TRPM3: variants seen among roughly 807,000 people sequenced by gnomAD.
TRPM3 encodes long transient receptor potential channel 3.
TRPM3 carries 77 observed loss-of-function variants against 181.2 expected under a neutral mutation model. The ratio of observed to expected loss-of-function variants is 0.42; its 90% CI spans 0.35 to 0.51. The LOEUF is 0.51. Ranked by LOEUF, TRPM3 falls within the 20% of genes least tolerant of loss-of-function variation. The probability of loss-of-function intolerance (pLI) is 0.01; values close to 1 mark genes in which losing one functional copy is unlikely to be tolerated. For synonymous variants in TRPM3, 745 were observed against 796.4 expected, an observed-to-expected ratio of 0.94 and a Z score of 1.09; for missense variants, 1,759 against 2,196.7, an observed-to-expected ratio of 0.80 and a Z score of 3.98.
At chr9:71,159,453 AT>A (rs1428530276) in intron 1 of TRPM3, among the ~76,000 whole-genome samples, 3 of 152,166 alleles carry the variant, frequency 2.0e-5, no homozygotes, top group African/African-American at 7.2e-5. Flanking sequence ...ATGTCAATAT[AT>A]TGAATCAAAT....
chr9:70,788,714 C>T (rs540389214), intron 6 of TRPM3, among the ~76,000 whole-genome samples: 10 of 152,090 alleles, frequency 6.6e-5, no homozygotes, highest in African/African-American at 1.2e-4. Context: ...GAGCCCTGAG[C>T]TTGCTTTCTC....
intron 1 of TRPM3, among the ~76,000 whole-genome samples, chr9:70,999,649 T>G (rs2097578167): frequency 6.6e-6 from 1 of 152,214 alleles, no homozygotes; most frequent in South Asian, 2.1e-4. Flanking sequence ...GCCATTATTT[T>G]TGGCAAGATG....
chr9:70,998,140 T>C (rs199758897), intron 1 of TRPM3, among the ~76,000 whole-genome samples: 3 of 58,278 alleles, frequency 5.1e-5, no homozygotes, highest in African/African-American at 9.2e-5. Context: ...TACATATATA[T>C]ACACATATAT....
chr9:70,802,091 T>C (rs2131241081), intron 6 of TRPM3, among the ~76,000 whole-genome samples: 1 of 152,300 alleles, frequency 6.6e-6, no homozygotes, highest in South Asian at 2.1e-4. Context: ...CTATTGTTGC[T>C]GGTCCCAGGA....
chr9:70,925,726 T>C (rs2096714664), intron 1 of TRPM3, among the ~76,000 whole-genome samples: 1 of 152,064 alleles, frequency 6.6e-6, no homozygotes, highest in African/African-American at 2.4e-5. Flanking sequence ...AATAATTTGA[T>C]ATTAATATAG....
At chr9:71,404,748 A>G (rs946595585) in intron 1 of TRPM3, among the ~76,000 whole-genome samples, 1 of 152,168 alleles carries the variant, frequency 6.6e-6, no homozygotes, top group Non-Finnish European at 1.5e-5. Flanking sequence ...CATGCAAAAC[A>G]AAAGACCCAT....
intron 1 of TRPM3, among the ~76,000 whole-genome samples, chr9:71,334,864 T>C (rs1264831839): frequency 6.6e-6 from 1 of 152,188 alleles, no homozygotes; most frequent in Non-Finnish European, 1.5e-5. Context: ...TACTGCATTA[T>C]TTTCTTCTCT....
At chr9:70,889,961 T>C (rs1270044946) in intron 1 of TRPM3, among the ~76,000 whole-genome samples, 1 of 148,296 alleles carries the variant, frequency 6.7e-6, no homozygotes, top group Non-Finnish European at 1.5e-5. Context: ...TATAACATAC[T>C]ATAAAATATA....
intron 1 of TRPM3, among the ~76,000 whole-genome samples, chr9:71,270,033 G>A (rs757658149): frequency 6.6e-6 from 1 of 152,112 alleles, no homozygotes; most frequent in African/African-American, 2.4e-5. Context: ...GTCATATCCG[G>A]TTCTTTTCTC....
At chr9:71,192,921 G>A (rs2078121550) in intron 1 of TRPM3, among the ~76,000 whole-genome samples, 1 of 151,774 alleles carries the variant, frequency 6.6e-6, no homozygotes, top group African/African-American at 2.4e-5. Flanking sequence ...ATTTCACAGT[G>A]TATAAATAGG....
At chr9:71,135,092 T>C (rs1457754606) in intron 1 of TRPM3, among the ~76,000 whole-genome samples, 1 of 152,228 alleles carries the variant, frequency 6.6e-6, no homozygotes, top group African/African-American at 2.4e-5. Flanking sequence ...GCTCAAATTA[T>C]GTTAGTGACT....
At chr9:71,253,021 T>C (rs1412532296) in intron 1 of TRPM3, among the ~76,000 whole-genome samples, 1 of 152,034 alleles carries the variant, frequency 6.6e-6, no homozygotes, top group Non-Finnish European at 1.5e-5. Context: ...GGCTGAGTTT[T>C]TCTGTCCAAA....
intron 6 of TRPM3, among the ~76,000 whole-genome samples, chr9:70,798,213 C>T (rs1460054653): frequency 6.6e-6 from 1 of 152,112 alleles, no homozygotes; most frequent in Non-Finnish European, 1.5e-5. Flanking sequence ...CACCACCACA[C>T]CCGGCTAATT....
At chr9:71,261,630 C>G (rs2083060372) in intron 1 of TRPM3, among the ~76,000 whole-genome samples, 1 of 152,190 alleles carries the variant, frequency 6.6e-6, no homozygotes, top group African/African-American at 2.4e-5. Flanking sequence ...TTTTCCTAAT[C>G]TTCATGGATT....
In TRPM3 at chr9:70,837,133, G is replaced by A. The variant is rs74969857; in HGVS notation, c.801+5870C>T. ...CAGATACATCTTATCTAATCTAATC[G>A]TAAAAATCCAATCAACTCCATGCCA... On this transcript the variant is annotated intron_variant, in intron 5 of 25. Transcript: ENST00000677713. Among the ~76,000 whole-genome samples, 29 of 152,172 alleles carry A rather than the reference G, an allele frequency of 1.9e-4. No homozygotes were observed. In the East Asian group the frequency reaches 2.7e-3, roughly 14 times the overall value.
At chr9:70,961,375 CCATCTTAAGCTGTTAAGTTTGCAGT>C (rs1284373489) in intron 1 of TRPM3, among the ~76,000 whole-genome samples, 1 of 152,148 alleles carries the variant, frequency 6.6e-6, no homozygotes, top group African/African-American at 2.4e-5. Context: ...TAAACTTGTG[CCATCTTAAGCTGTTAAGTTTGCAGT>C]CATTTGTTAC....
chr9:71,218,800 T>G (rs533433702), intron 1 of TRPM3, among the ~76,000 whole-genome samples: 37 of 152,322 alleles, frequency 2.4e-4, no homozygotes, highest in Non-Finnish European at 4.6e-4. Flanking sequence ...TGTTATGAAT[T>G]TTACTTCGGG....
intron 1 of TRPM3, among the ~76,000 whole-genome samples, chr9:71,208,268 C>A (rs193139213): frequency 1.3e-5 from 2 of 152,152 alleles, no homozygotes; most frequent in Admixed American, 1.3e-4. Context: ...TAGTGTAAAA[C>A]GGTATGTCTA....
At chr9:70,743,429 C>T (rs1361733519) in intron 8 of TRPM3, among the ~76,000 whole-genome samples, 3 of 152,092 alleles carry the variant, frequency 2.0e-5, no homozygotes, top group Non-Finnish European at 4.4e-5. Flanking sequence ...CATATATATG[C>T]AAATGAAAAC....
Sources: allele counts gnomAD v4.1 joint callset (sites outside exome capture counted in the v4.1 genomes callset), GRCh38; gene constraint gnomAD v4.1.1; transcripts MANE v1.5; gene names NCBI Gene and HGNC (gene_info 2026-07-23, HGNC 2026-07-21).